Variants in NT5C2 observed in about 807,000 individuals in gnomAD.
NT5C2 encodes the protein 5'-nucleotidase, cytosolic II.
A neutral mutation model predicts 76.1 loss-of-function variants in NT5C2; 58 were observed. The observed-to-expected ratio is 0.76, with a 90% CI of 0.62 to 0.95. The LOEUF (loss-of-function observed/expected upper bound fraction) is 0.95, where lower values mean the gene tolerates loss of function less well. NT5C2 is among the 40% of genes least tolerant of loss of function. NT5C2 has a pLI of 0.00. For missense variants in NT5C2, 478 were observed against 690.3 expected, an observed-to-expected ratio of 0.69 and a Z score of 3.45; for synonymous variants, 229 against 237.4, an observed-to-expected ratio of 0.96 and a Z score of 0.32.
chr10:103,145,251 A>C (rs985115302), intron 3 of NT5C2, among the ~76,000 whole-genome samples: 1 of 152,202 alleles, frequency 6.6e-6, no homozygotes, highest in African/African-American at 2.4e-5. Flanking sequence ...GGCAGCCTTA[A>C]AGCATGAAAT....
intron 9 of NT5C2, among the ~76,000 whole-genome samples, chr10:103,099,643 G>A (rs1236221718): frequency 1.3e-5 from 2 of 151,782 alleles, no homozygotes; most frequent in Non-Finnish European, 2.9e-5. Flanking sequence ...ATCCACAAAG[G>A]ATATGTTAAG....
intron 3 of NT5C2, among the ~76,000 whole-genome samples, chr10:103,164,347 T>G (rs1291955290): frequency 2.6e-5 from 4 of 152,136 alleles, no homozygotes; most frequent in Admixed American, 2.0e-4. Context: ...AACTTCTGCC[T>G]CCTGGGTTCA....
Position 103,090,735 on chromosome 10 carries a change from C to T in NT5C2, c.1325G>A (p.Arg442His), listed in dbSNP as rs2066559867. ...MCYGMMGSLF[R>H]SGSRQTLFAS... is the part of the protein sequence containing the mutation. ...AAAAAGGGTCTGCCGGGAGCCACTG[C>T]GAAACAGGCTTCCCATCATCCCATA... Residue 442 changes from arginine to histidine, a missense_variant, in exon 18 of 19, where the codon CGC becomes CAC. By Grantham distance (29) the Arg-to-His change is conservative (BLOSUM62 0). Coordinates refer to ENST00000404739, the MANE Select transcript of NT5C2 (RefSeq NM_001351169.2). 8 of 1,613,982 alleles carry T rather than the reference C, an allele frequency of 5.0e-6. No homozygotes were observed. The highest frequency in any genetic ancestry group is 2.2e-5 in the South Asian group (2 of 91,082).
chr10:103,183,258 G>GATATATA (rs1591860669), intron 1 of NT5C2, among the ~76,000 whole-genome samples: 1 of 48,522 alleles, frequency 2.1e-5, no homozygotes, highest in Non-Finnish European at 3.6e-5. Flanking sequence ...ATATGTGTGT[G>GATATATA]TGTGATATAT....
At chr10:103,158,833 A>G (rs922671111) in intron 3 of NT5C2, among the ~76,000 whole-genome samples, 1 of 148,672 alleles carries the variant, frequency 6.7e-6, no homozygotes, top group African/African-American at 2.5e-5. Flanking sequence ...AAAAAAAAAA[A>G]GAAGAATAAA....
chr10:103,125,177 C>T, intron 4 of NT5C2: 1 of 618,642 alleles, frequency 1.6e-6, no homozygotes, highest in Non-Finnish European at 3.0e-6. Context: ...CACATCAAAT[C>T]TGGGACTCAT....
At chr10:103,178,946 C>CT (rs371982966) in intron 2 of NT5C2, among the ~76,000 whole-genome samples, 6 of 136,198 alleles carry the variant, frequency 4.4e-5, no homozygotes, top group South Asian at 2.4e-4. Flanking sequence ...TTTCTTTTTT[C>CT]TTTTTTTCTT....
At chr10:103,126,432 G>T (rs1475745915) in intron 4 of NT5C2, among the ~76,000 whole-genome samples, 2 of 152,098 alleles carry the variant, frequency 1.3e-5, no homozygotes, top group African/African-American at 4.8e-5. Flanking sequence ...GACCAGCCTC[G>T]TCAATATGGT....
At chr10:103,106,743 G>T (rs771858334) in intron 4 of NT5C2, 37 bp from the exon 5 acceptor site, 1 of 1,205,272 alleles carries the variant, frequency 8.3e-7, no homozygotes, top group South Asian at 1.2e-5. Context: ...TTAGCAGAAA[G>T]AACAGCCAAT....
chr10:103,126,868 G>A (rs941764847), intron 4 of NT5C2, among the ~76,000 whole-genome samples: 3 of 152,158 alleles, frequency 2.0e-5, no homozygotes, highest in African/African-American at 7.2e-5. Context: ...AGGGAGTGCA[G>A]TGGCATGACC....
intron 3 of NT5C2, among the ~76,000 whole-genome samples, chr10:103,165,691 G>A (rs926921585): frequency 2.1e-5 from 3 of 141,294 alleles, no homozygotes; most frequent in African/African-American, 7.8e-5. Context: ...TTTTTTTTGA[G>A]ACAGAGTTTC....
At chr10:103,133,618 AAAAC>A (rs2078650150) in intron 4 of NT5C2, among the ~76,000 whole-genome samples, 1 of 152,220 alleles carries the variant, frequency 6.6e-6, no homozygotes, top group Non-Finnish European at 1.5e-5. Flanking sequence ...TAGCAGCATG[AAAAC>A]AAACTAATAT....
chr10:103,161,908 T>C (rs2084988488), intron 3 of NT5C2, among the ~76,000 whole-genome samples: 1 of 152,178 alleles, frequency 6.6e-6, no homozygotes, highest in Non-Finnish European at 1.5e-5. Context: ...GGACTACTAA[T>C]GAGTATGAGG....
chr10:103,175,020 G>T, intron 2 of NT5C2, 38 bp from the exon 3 acceptor site: 1 of 1,196,282 alleles, frequency 8.4e-7, no homozygotes, highest in Non-Finnish European at 1.2e-6. Flanking sequence ...ACTTAATATT[G>T]GCATCTGTAT....
At chr10:103,187,143 G>C (rs1345172964) in intron 1 of NT5C2, among the ~76,000 whole-genome samples, 1 of 152,046 alleles carries the variant, frequency 6.6e-6, no homozygotes, top group Non-Finnish European at 1.5e-5. Flanking sequence ...CCAGCTACTA[G>C]GGAGGCTGAG....
chr10:103,165,033 T>C (rs905769118), intron 3 of NT5C2, among the ~76,000 whole-genome samples: 8 of 152,232 alleles, frequency 5.3e-5, no homozygotes, highest in African/African-American at 1.7e-4. Context: ...GAGCATCTTG[T>C]ATCTAGAACA....
chr10:103,186,286 A>G lies in NT5C2; in HGVS notation c.-168-4958T>C, dbSNP rs1393337599. 3.3e-5 allele frequency among the ~76,000 whole-genome samples: 5 copies of G among 152,246 alleles called. No homozygotes were observed. In the East Asian group the frequency reaches 9.6e-4, roughly 29 times the overall value. On this transcript the variant is annotated intron_variant, in intron 1 of 18. Transcript: ENST00000404739. The stretch of plus-strand genomic sequence containing the variant: ...AGGTGCTAAGAACAGTGGCTGAGAC[A>G]TGGAAATTGGTCAATATAAACTGTT...
chr10:103,178,954 C>CTTTTTTTTTTTTT lies in NT5C2; in HGVS notation c.-25+2230_-25+2231insAAAAAAAAAAAAA, dbSNP rs758982511. ...TCTACGTTTTCTTTTTTCTTTTTTTCTTTTTTTTTTTTGAGATAGAGTCTT... is the reference window on the plus strand; with the variant it reads ...TCTACGTTTTCTTTTTTCTTTTTTTCTTTTTTTTTTTTTTTTTTTTTTTTTGAGATAGAGTCTT... On this transcript the variant is annotated intron_variant, in intron 2 of 18. Coordinates refer to ENST00000404739, the MANE Select transcript of NT5C2 (RefSeq NM_001351169.2). 1.6e-5 allele frequency among the ~76,000 whole-genome samples: 2 copies of CTTTTTTTTTTTTT among 128,482 alleles called. 1 individual carries two copies. The highest frequency in any genetic ancestry group is 5.8e-5 in the African/African-American group (2 of 34,534). The allele number at this position is 128,482 out of a possible 152,430, so 84.3% of individuals were successfully genotyped here.
intron 17 of NT5C2, 59 bp from the exon 18 acceptor site, chr10:103,090,846 G>C (rs2066604228): frequency 6.3e-7 from 1 of 1,593,898 alleles, no homozygotes; most frequent in African/African-American, 1.3e-5. Flanking sequence ...TTGAGCAGTA[G>C]TTGAATGCTA....
Sources: gnomAD v4.1 joint callset for allele counts (sites outside exome capture counted in the v4.1 genomes callset) on GRCh38, gnomAD v4.1.1 for gene constraint, MANE v1.5 for transcripts, NCBI Gene and HGNC (gene_info 2026-07-23, HGNC 2026-07-21) for gene names.